Variants in EXOC2 observed in about 807,000 individuals in gnomAD.
The protein encoded by EXOC2 is exocyst complex component 2.
Under a neutral mutation model 131.8 loss-of-function variants are expected in EXOC2, and 70 were observed. The observed-to-expected ratio is 0.53, with a 90% CI of 0.44 to 0.65. The LOEUF (loss-of-function observed/expected upper bound fraction) is 0.65. Among genes scored for constraint, EXOC2 ranks in the 30% least tolerant of loss-of-function variants. The pLI, the probability that EXOC2 is intolerant of heterozygous loss-of-function variation, is 0.00. For missense variants in EXOC2, 923 were observed against 1,108.6 expected, an observed-to-expected ratio of 0.83 and a Z score of 2.38; for synonymous variants, 411 against 398.4, an observed-to-expected ratio of 1.03 and a Z score of -0.38.
intron 22 of EXOC2, among the ~76,000 whole-genome samples, chr6:545,518 A>G (rs1473887332): frequency 6.6e-6 from 1 of 152,236 alleles, no homozygotes; most frequent in Non-Finnish European, 1.5e-5. Context: ...TAGTTCTTCT[A>G]GAATATAAAC....
intron 12 of EXOC2, among the ~76,000 whole-genome samples, chr6:575,288 T>C (rs1758512341): frequency 1.3e-5 from 2 of 152,198 alleles, no homozygotes; most frequent in Non-Finnish European, 2.9e-5. Context: ...TAGAAATAAT[T>C]CCAAGAACAG....
intron 4 of EXOC2, among the ~76,000 whole-genome samples, chr6:625,138 C>G (rs1293499406): frequency 6.6e-6 from 1 of 152,216 alleles, no homozygotes; most frequent in African/African-American, 2.4e-5. Context: ...TAGCCCCAAG[C>G]CAGGAGAAGA....
At chr6:680,606 G>C (rs983661167) in intron 1 of EXOC2, among the ~76,000 whole-genome samples, 8 of 152,196 alleles carry the variant, frequency 5.3e-5, no homozygotes, top group African/African-American at 1.9e-4. Context: ...CTGCTGGCTG[G>C]AGATCCAGGC....
At chr6:665,166 C>T in intron 1 of EXOC2, among the ~76,000 whole-genome samples, 1 of 152,120 alleles carries the variant, frequency 6.6e-6, no homozygotes, top group Middle Eastern at 3.2e-3. Context: ...AAATGGCCAA[C>T]AAACATATGA....
intron 3 of EXOC2, among the ~76,000 whole-genome samples, chr6:632,666 T>TA (rs1310328147): frequency 6.6e-6 from 1 of 152,206 alleles, no homozygotes; most frequent in East Asian, 1.9e-4. Context: ...CCAAAACTGG[T>TA]ATATCAAGTG....
chr6:586,192 C>CT (rs1759195778), intron 11 of EXOC2, among the ~76,000 whole-genome samples: 1 of 152,206 alleles, frequency 6.6e-6, no homozygotes, highest in South Asian at 2.1e-4. Context: ...AGTAAGTACT[C>CT]TGTCACCGAG....
chr6:578,204 T>A (rs1365681100), intron 11 of EXOC2, among the ~76,000 whole-genome samples: 1 of 152,110 alleles, frequency 6.6e-6, no homozygotes, highest in Non-Finnish European at 1.5e-5. Flanking sequence ...GCCTATGGAG[T>A]TGTTTTCAGG....
intron 7 of EXOC2, among the ~76,000 whole-genome samples, chr6:602,760 A>T (rs1760172519): frequency 1.3e-5 from 2 of 152,340 alleles, no homozygotes; most frequent in South Asian, 4.1e-4. Context: ...AACTGCAAGA[A>T]CTAACAGCAA....
At chr6:688,460 A>G (rs958217522) in intron 1 of EXOC2, among the ~76,000 whole-genome samples, 2 of 152,222 alleles carry the variant, frequency 1.3e-5, no homozygotes, top group African/African-American at 2.4e-5. Context: ...AACTGAGCAC[A>G]CTGGCATGAC....
intron 1 of EXOC2, among the ~76,000 whole-genome samples, chr6:682,043 G>A (rs868599250): frequency 2.6e-5 from 4 of 152,120 alleles, no homozygotes; most frequent in African/African-American, 9.7e-5. Flanking sequence ...AATTAGCACC[G>A]GCATTGGTGA....
In EXOC2 at chr6:589,478, C is replaced by G. The variant is rs1393168386; in HGVS notation, c.1192+2991G>C. On this transcript the variant is annotated intron_variant, in intron 11 of 27. Transcript: ENST00000230449. ...CTGAGATTTCACCTCCTCTAGAAAA[C>G]TTCCCTGGACTTCCCCTCAACCGGA... Among the ~76,000 whole-genome samples the G allele has an allele frequency of 2.6e-5, 4 of 152,248 alleles. No homozygotes were observed. In the East Asian group the frequency reaches 7.7e-4, roughly 29 times the overall value.
chr6:549,068 G>A (rs1253661687), intron 22 of EXOC2, 107 bp downstream of exon 22: 12 of 832,472 alleles, frequency 1.4e-5, no homozygotes, highest in Admixed American at 5.5e-5. Context: ...CTGTGGGGGC[G>A]GCACGCAGAG....
chr6:658,022 G>A (rs1043084619), intron 1 of EXOC2, among the ~76,000 whole-genome samples: 9 of 152,018 alleles, frequency 5.9e-5, no homozygotes, highest in African/African-American at 2.2e-4. Context: ...TACTTCTAGG[G>A]TCATGCTTTC....
chr6:618,049 C>T (rs1025263508), intron 5 of EXOC2, among the ~76,000 whole-genome samples: 8 of 152,174 alleles, frequency 5.3e-5, no homozygotes, highest in African/African-American at 7.2e-5. Context: ...ACAACAGCTA[C>T]AAGACTTTCG....
At chr6:535,668 A>G (rs2493039) in intron 22 of EXOC2, among the ~76,000 whole-genome samples, 145,632 of 152,280 alleles carry the variant, frequency 0.96, 69,712 homozygotes, top group East Asian at 1. Context: ...ATAGACAAGG[A>G]CTTGACAATG....
At chr6:541,266 A>C (rs1766801590) in intron 22 of EXOC2, among the ~76,000 whole-genome samples, 1 of 152,172 alleles carries the variant, frequency 6.6e-6, no homozygotes, top group Non-Finnish European at 1.5e-5. Flanking sequence ...TTCAAAACTA[A>C]AAAAAATGAA....
At chr6:501,985 C>G (rs913666537) in intron 23 of EXOC2, among the ~76,000 whole-genome samples, 8 of 152,074 alleles carry the variant, frequency 5.3e-5, no homozygotes, top group Middle Eastern at 3.4e-3. Context: ...GAAAGCCACA[C>G]CCCCCGGTGT....
intron 1 of EXOC2, chr6:655,988 C>G: frequency 1.4e-6 from 1 of 725,348 alleles, no homozygotes; most frequent in Admixed American, 2.5e-5. Flanking sequence ...AAGGGCTCAA[C>G]AAAATATACG....
intron 27 of EXOC2, among the ~76,000 whole-genome samples, chr6:487,288 A>G (rs1453656557): frequency 6.7e-6 from 1 of 149,384 alleles, no homozygotes; most frequent in Non-Finnish European, 1.5e-5. Context: ...GAGAGTGGGG[A>G]GCGAAAGCAG....
Sources: gnomAD v4.1 joint callset for allele counts (sites outside exome capture counted in the v4.1 genomes callset) on GRCh38, gnomAD v4.1.1 for gene constraint, MANE v1.5 for transcripts, NCBI Gene and HGNC (gene_info 2026-07-23, HGNC 2026-07-21) for gene names.